Variants in STIP1 observed in about 807,000 individuals in gnomAD.
STIP1 encodes stress induced phosphoprotein 1, also known as stress-induced-phosphoprotein 1.
A neutral mutation model predicts 77.4 loss-of-function variants in STIP1; 16 were observed. That is an observed-to-expected ratio of 0.21 (90% CI 0.14 to 0.31). The LOEUF is 0.31. Among genes scored for constraint, STIP1 ranks in the 10% least tolerant of loss-of-function variants. The pLI, the probability that STIP1 is intolerant of heterozygous loss-of-function variation, is 1.00. For synonymous variants in STIP1, 258 were observed against 246.6 expected, an observed-to-expected ratio of 1.05 and a Z score of -0.44; for missense variants, 524 against 684.8, an observed-to-expected ratio of 0.77 and a Z score of 2.62.
At chr11:64,193,638 T>G (rs987519172) in intron 2 of STIP1, among the ~76,000 whole-genome samples, 8 of 151,842 alleles carry the variant, frequency 5.3e-5, no homozygotes, top group Non-Finnish European at 1.2e-4. Context: ...GCAAAAAAAT[T>G]TAGCCAGGCA....
chr11:64,199,672 T>C (rs1293041273), intron 8 of STIP1, among the ~76,000 whole-genome samples: 1 of 149,132 alleles, frequency 6.7e-6, no homozygotes, highest in Non-Finnish European at 1.5e-5. Flanking sequence ...CACGCCATTC[T>C]CCTGCCTCAG....
At position 64,190,278 on chromosome 11, in the gene STIP1, A is replaced by G. The variant is rs1946078012; in HGVS notation, c.10-2800A>G. 7.9e-5 allele frequency among the ~76,000 whole-genome samples: 12 copies of G among 152,004 alleles called. No individual in the cohort carries two copies. In the South Asian group the frequency reaches 2.5e-3, roughly 31 times the overall value. On this transcript the variant is annotated intron_variant, in intron 1 of 13. Coordinates refer to ENST00000305218, the MANE Select transcript of STIP1 (RefSeq NM_006819.3). Reference sequence around the variant, plus strand: ...AACCTCCGCCTCCCAGGTTCTAGCAATTTTCCTGCCTCAGCCTCCCAAGTA... The same window carrying G: ...AACCTCCGCCTCCCAGGTTCTAGCAGTTTTCCTGCCTCAGCCTCCCAAGTA...
chr11:64,194,193 A>C lies in STIP1; in HGVS notation c.224A>C (p.Tyr75Ser). The C allele has an allele frequency of 6.2e-7, 1 of 1,613,386 alleles. No homozygotes were observed. The highest frequency in any genetic ancestry group is 8.5e-7 in the Non-Finnish European group (1 of 1,179,834). The change falls in exon 3 of 14, where the codon TAT becomes TCT. Residue 75 changes from tyrosine to serine, a missense_variant. Transcript: ENST00000305218. Reference protein sequence around the residue: ...VDLKPDWGKGYSRKAAALEFL... With the variant: ...VDLKPDWGKGSSRKAAALEFL... ...GTCTGTCTTTGGTGGTTTAAGGGCT[A>C]TTCACGAAAAGCAGCAGCTCTAGAG...
Position 64,197,354 on chromosome 11 carries a change from G to A in STIP1, c.756G>A (p.Lys252=). 6.2e-7 allele frequency: 1 copy of A among 1,614,038 alleles called. No individual in the cohort carries two copies. Among genetic ancestry groups the A allele is most frequent in the Non-Finnish European group, 8.5e-7 (1 of 1,180,018 alleles). The change falls in exon 6 of 14, where the codon AAG becomes AAA. Residue 252 remains lysine (K), a synonymous_variant. Transcript: ENST00000305218. The stretch of plus-strand genomic sequence containing the variant: ...CCTTGAAGCATTACGACAAAGCCAA[G>A]GAGCTGGACCCCACTAACATGACTT... ...DTALKHYDKA[K]ELDPTNMTYI...
chr11:64,189,588 AAATCCCAC>A (rs1946068049), intron 1 of STIP1, among the ~76,000 whole-genome samples: 2 of 152,094 alleles, frequency 1.3e-5, no homozygotes, highest in South Asian at 4.2e-4. Context: ...GGGGCCTTTC[AAATCCCAC>A]AATGATACAC....
intron 10 of STIP1, chr11:64,202,611 A>G (rs1946231392): frequency 1.4e-5 from 7 of 491,916 alleles, no homozygotes; most frequent in South Asian, 1.2e-4. Context: ...AGGCCCACGC[A>G]TTTTGTCTAG....
chr11:64,202,610 C>A, intron 10 of STIP1: 1 of 488,472 alleles, frequency 2.0e-6, no homozygotes, highest in Non-Finnish European at 3.7e-6. Context: ...AAGGCCCACG[C>A]ATTTTGTCTA....
At chr11:64,200,428 GCCTCCT>G in intron 10 of STIP1, 135 bp downstream of exon 10, 1 of 1,393,068 alleles carries the variant, frequency 7.2e-7, no homozygotes, top group Non-Finnish European at 9.7e-7. Context: ...TCCTGCCTCA[GCCTCCT>G]GAGGAGCTAG....
At chr11:64,187,193 A>G (rs923507051) in intron 1 of STIP1, among the ~76,000 whole-genome samples, 1 of 152,072 alleles carries the variant, frequency 6.6e-6, no homozygotes, top group Non-Finnish European at 1.5e-5. Context: ...TTATGTCCTC[A>G]GTAGCTTGCG....
rs772728364 is a variant in STIP1, at chr11:64,194,488, T to G, written c.371T>G (p.Phe124Cys). 34 of 1,614,154 alleles carry G rather than the reference T, an allele frequency of 2.1e-5. No homozygotes were observed. Among genetic ancestry groups the G allele is most frequent in the South Asian group, 2.2e-5 (2 of 91,066 alleles). Residue 124 changes from phenylalanine (F) to cysteine (C), a missense_variant, in exon 4 of 14, where the codon TTC becomes TGC. Physicochemically the swap from Phe to Cys is radical, Grantham distance 205 (BLOSUM62 -2). Transcript: ENST00000305218. Reference protein sequence around the residue: ...NMEARLAERKFMNPFNMPNLY... With the variant: ...NMEARLAERKCMNPFNMPNLY... ...TCCTTTATTTGGACAGAGAGAAAAT[T>G]CATGAACCCTTTCAACATGCCTAAT...
rs1172114725 is a variant in STIP1, at chr11:64,190,369, G to T, written c.10-2709G>T. On this transcript the variant is annotated intron_variant, in intron 1 of 13. Transcript: ENST00000305218. ...TTTTTGTATTTTTAGTAGAGACGGG[G>T]TTTCTCCATGTTGAGGCTGGTCTCG... is the stretch of plus-strand genomic sequence containing the variant. Among the ~76,000 whole-genome samples, 4 of 152,096 alleles carry T rather than the reference G, an allele frequency of 2.6e-5. No individual in the cohort carries two copies. The South Asian group carries it at 8.3e-4, about 32-fold the overall frequency.
chr11:64,197,651 C>G lies in STIP1; in HGVS notation c.902+56C>G, dbSNP rs574385195. The G allele has an allele frequency of 3.4e-5, 55 of 1,603,188 alleles. No homozygotes were observed. The African/African-American group carries it at 6.7e-4, about 19-fold the overall frequency. On this transcript the variant is annotated intron_variant, in intron 7 of 13. Transcript: ENST00000305218. ...AGCGCGGAGGGTTTGCTGTCCAAGA[C>G]TTAAGTTTCTCTGCATGGGGAGGAG...
At chr11:64,187,894 A>G (rs1321392336) in intron 1 of STIP1, among the ~76,000 whole-genome samples, 2 of 151,852 alleles carry the variant, frequency 1.3e-5, no homozygotes, top group Non-Finnish European at 2.9e-5. Context: ...AGTCCCAGCT[A>G]CTCGGGAGGC....
intron 5 of STIP1, among the ~76,000 whole-genome samples, chr11:64,196,361 A>G (rs1057364024): frequency 7.2e-6 from 1 of 138,170 alleles, no homozygotes; most frequent in African/African-American, 2.7e-5. Context: ...TCATCACTAC[A>G]CTCCAGGCTG....
chr11:64,199,803 T>G, intron 8 of STIP1, 137 bp from the exon 9 acceptor site: 1 of 811,148 alleles, frequency 1.2e-6, no homozygotes, highest in South Asian at 1.7e-5. Flanking sequence ...GACCTCGTGA[T>G]CCACCCGCCT....
chr11:64,203,995 G>A (rs1946252981), intron 13 of STIP1, 59 bp from the exon 14 acceptor site: 1 of 1,576,194 alleles, frequency 6.3e-7, no homozygotes, highest in East Asian at 2.2e-5. Context: ...GGCTTGCTCT[G>A]AGAGCAAGTA....
At chr11:64,195,602 G>A (rs1449145084) in intron 4 of STIP1, 43 bp from the exon 5 acceptor site, 1 of 1,509,230 alleles carries the variant, frequency 6.6e-7, no homozygotes, top group Non-Finnish European at 8.9e-7. Context: ...ATTGTGGGGA[G>A]GAGTAATTAC....
chr11:64,200,341 G>C, intron 10 of STIP1, 48 bp downstream of exon 10: 1 of 1,564,922 alleles, frequency 6.4e-7, no homozygotes, highest in African/African-American at 1.4e-5. Context: ...TGCACATGAG[G>C]AGTGGGTTTT....
At chr11:64,189,628 A>C (rs1206336415) in intron 1 of STIP1, among the ~76,000 whole-genome samples, 1 of 152,064 alleles carries the variant, frequency 6.6e-6, no homozygotes, top group Admixed American at 6.6e-5. Flanking sequence ...AACCCAACAC[A>C]GGCGTACAGC....
Sources: gnomAD v4.1 joint callset for allele counts (sites outside exome capture counted in the v4.1 genomes callset) on GRCh38, gnomAD v4.1.1 for gene constraint, MANE v1.5 for transcripts, NCBI Gene and HGNC (gene_info 2026-07-23, HGNC 2026-07-21) for gene names.